Variants in TACC2 observed in about 807,000 individuals in gnomAD.
TACC2 encodes the protein transforming acidic coiled-coil containing protein 2, also known as transforming acidic coiled-coil-containing protein 2.
A neutral mutation model predicts 227.3 loss-of-function variants in TACC2; 137 were observed. That is an observed-to-expected ratio of 0.60 (90% CI 0.52 to 0.69). TACC2 has a LOEUF of 0.69. TACC2 is among the 30% of genes least tolerant of loss of function. The probability of loss-of-function intolerance (pLI) is 0.00; values close to 1 mark genes in which losing one functional copy is unlikely to be tolerated. For missense variants in TACC2, 3,470 were observed against 3,694.4 expected (o/e 0.94, Z 1.57); for synonymous variants, 1,523 against 1,487.5 (o/e 1.02, Z -0.55).
chr10:122,099,748 G>A (rs1188279363), intron 5 of TACC2, among the ~76,000 whole-genome samples: 1 of 152,224 alleles, frequency 6.6e-6, no homozygotes, highest in Non-Finnish European at 1.5e-5. Flanking sequence ...TTCTTTACAA[G>A]TGGGCTATAA....
At chr10:122,067,597 C>A (rs1308111639) in intron 3 of TACC2, among the ~76,000 whole-genome samples, 1 of 150,888 alleles carries the variant, frequency 6.6e-6, no homozygotes, top group East Asian at 2.0e-4. Flanking sequence ...ACCTCCGCCT[C>A]CCAGGTTCAA....
At chr10:122,018,933 T>G (rs1270213782) in intron 1 of TACC2, among the ~76,000 whole-genome samples, 1 of 152,214 alleles carries the variant, frequency 6.6e-6, no homozygotes, top group Non-Finnish European at 1.5e-5. Flanking sequence ...AAGCCTTTGA[T>G]GAAATAAATG....
At chr10:122,237,595 C>T (rs1268112254) in intron 17 of TACC2, 57 bp downstream of exon 17, 25 of 1,568,934 alleles carry the variant, frequency 1.6e-5, no homozygotes, top group East Asian at 1.6e-4. Context: ...TACGTATGCT[C>T]GTGGTCCACA....
Position 122,000,334 on chromosome 10 carries a change from G to A in TACC2, c.-46+10846G>A, listed in dbSNP as rs556522300. On this transcript the variant is annotated intron_variant, in intron 1 of 22. Coordinates refer to ENST00000369005, the MANE Select transcript of TACC2 (RefSeq NM_206862.4). ...GCAGAGCTTGCAGTGAGCAGAGATC[G>A]CGCCACTGCACTCCAGCCTGGGCGA... Among the ~76,000 whole-genome samples, 11 of 152,198 alleles carry A rather than the reference G, an allele frequency of 7.2e-5. 1 individual carries two copies. Among genetic ancestry groups the A allele is most frequent in the African/African-American group, 2.2e-4 (9 of 41,528 alleles).
chr10:122,068,977 C>G (rs1195590170), intron 3 of TACC2, among the ~76,000 whole-genome samples: 5 of 144,106 alleles, frequency 3.5e-5, no homozygotes, highest in Non-Finnish European at 6.1e-5. Context: ...GCATTACAGG[C>G]GTGAGGCACC....
chr10:122,143,237 A>T (rs974587778), intron 6 of TACC2, among the ~76,000 whole-genome samples: 6 of 152,204 alleles, frequency 3.9e-5, no homozygotes, highest in Admixed American at 1.3e-4. Context: ...AAATCATCAT[A>T]AAAAAAATCC....
rs2090528773 is a variant in TACC2 at position 122,141,425 on chromosome 10, T to G, written c.5700-2147T>G. Reference sequence around the variant, plus strand: ...GGACCCAGCCAGCGCAGGAAGGGTGTGGCCATGGCAGTTGGGACCAACAGA... The same window carrying G: ...GGACCCAGCCAGCGCAGGAAGGGTGGGGCCATGGCAGTTGGGACCAACAGA... On this transcript the variant is annotated intron_variant, in intron 6 of 22. Coordinates refer to ENST00000369005, the MANE Select transcript of TACC2 (RefSeq NM_206862.4). This position sits in a 1 kb window ranked among gnomAD's most constrained non-coding sequence, Gnocchi z 4.3. Among the ~76,000 whole-genome samples, 1 of 151,956 alleles carries G rather than the reference T, an allele frequency of 6.6e-6. No individual in the cohort carries two copies. The highest frequency in any genetic ancestry group is 1.5e-5 in the Non-Finnish European group (1 of 67,994).
intron 16 of TACC2, among the ~76,000 whole-genome samples, chr10:122,234,224 G>C (rs939016168): frequency 6.6e-6 from 1 of 152,206 alleles, no homozygotes; most frequent in South Asian, 2.1e-4. Context: ...AGGGGGCTAC[G>C]ATGCCACCCC....
At chr10:122,017,929 AT>A (rs1294444801) in intron 1 of TACC2, among the ~76,000 whole-genome samples, 2 of 147,218 alleles carry the variant, frequency 1.4e-5, no homozygotes, top group Non-Finnish European at 3.0e-5. Flanking sequence ...CCCTCCAAAC[AT>A]TTTTTTTAAC....
chr10:122,228,825 T>G (rs1374350423), intron 14 of TACC2, among the ~76,000 whole-genome samples: 1 of 152,168 alleles, frequency 6.6e-6, no homozygotes, highest in Non-Finnish European at 1.5e-5. Context: ...ATCTCTCACA[T>G]GAATACTCTG....
intron 3 of TACC2, among the ~76,000 whole-genome samples, chr10:122,081,444 C>T (rs953823952): frequency 1.4e-5 from 2 of 147,720 alleles, no homozygotes; most frequent in Non-Finnish European, 3.0e-5. Context: ...AGGAGAATGG[C>T]GTGAACCCAG....
chr10:122,062,025 C>CTT (rs140523380), intron 3 of TACC2, among the ~76,000 whole-genome samples: 1,002 of 64,028 alleles, frequency 0.016, 32 homozygotes, highest in African/African-American at 0.038. Flanking sequence ...GTCAGAGCGG[C>CTT]TTTTTTTTTT....
chr10:122,134,898 G>A (rs924001054), intron 6 of TACC2, among the ~76,000 whole-genome samples: 2 of 152,312 alleles, frequency 1.3e-5, no homozygotes, highest in Non-Finnish European at 1.5e-5. Flanking sequence ...TCCCATGCCT[G>A]AGACTGCATG....
At chr10:122,101,645 C>T (rs1387519455) in intron 5 of TACC2, among the ~76,000 whole-genome samples, 2 of 143,822 alleles carry the variant, frequency 1.4e-5, no homozygotes, top group South Asian at 2.3e-4. Flanking sequence ...CTGCAAGCTC[C>T]GCCTCCTGGG....
Position 122,086,013 on chromosome 10 carries a change from A to C in TACC2, c.3513A>C (p.Glu1171Asp), listed in dbSNP as rs543039628. The C allele has an allele frequency of 3.7e-6, 6 of 1,613,872 alleles. No individual in the cohort carries two copies. In the East Asian group the frequency reaches 1.3e-4, roughly 36 times the overall value. ...AGCACTGCCTTACCTCCGGGGAGGA[A>C]GCTTCTACCTCTGCCCTACGTGAGT... The part of the protein sequence containing the change: ...QTEHCLTSGE[E>D]ASTSALRESC... The change falls in exon 4 of 23, where the codon GAA becomes GAC. Residue 1171 changes from glutamate to aspartate, a missense_variant. Glu to Asp is a conservative substitution (Grantham distance 45). Around this residue, in one of 10 missense-constraint regions of TACC2, gnomAD observed 1,924 missense variants for 1,978.3 expected, o/e 0.97. Transcript: ENST00000369005.
intron 3 of TACC2, among the ~76,000 whole-genome samples, chr10:122,060,848 C>T (rs2459089): frequency 0.7 from 106,347 of 151,290 alleles, 38,556 homozygotes; most frequent in Non-Finnish European, 0.8. Flanking sequence ...CTACTAAAAA[C>T]ACAGAAATTA....
chr10:122,109,750 T>A (rs1341384977), intron 5 of TACC2, among the ~76,000 whole-genome samples: 2 of 152,206 alleles, frequency 1.3e-5, no homozygotes, highest in African/African-American at 2.4e-5. Flanking sequence ...TAGCCATAAT[T>A]TGATCATGTT....
At chr10:122,108,442 CTT>C (rs34097153) in intron 5 of TACC2, among the ~76,000 whole-genome samples, 19,465 of 89,502 alleles carry the variant, frequency 0.22, 1,160 homozygotes, top group Middle Eastern at 0.33. Flanking sequence ...GTCATATTTT[CTT>C]TTTTTTTTTT....
At chr10:122,133,228 G>A (rs1025292243) in intron 6 of TACC2, among the ~76,000 whole-genome samples, 7 of 152,116 alleles carry the variant, frequency 4.6e-5, no homozygotes, top group African/African-American at 9.6e-5. Context: ...TGGGGTCCCC[G>A]CCCCTGCCCT....
Sources: gnomAD v4.1 joint callset for allele counts (sites outside exome capture counted in the v4.1 genomes callset) on GRCh38, gnomAD v4.1.1 for gene constraint, gnomAD v4.1.1 regional missense constraint, Gnocchi (gnomAD v3.1) non-coding constraint, MANE v1.5 for transcripts, NCBI Gene and HGNC (gene_info 2026-07-23, HGNC 2026-07-21) for gene names.